SEPTIN14: variants seen among roughly 807,000 people sequenced by gnomAD.
SEPTIN14 encodes the protein septin 14.
Under a neutral mutation model 53.6 loss-of-function variants are expected in SEPTIN14, and 40 were observed. The ratio of observed to expected loss-of-function variants is 0.75; its 90% CI spans 0.58 to 0.97. The LOEUF is 0.97. Among genes scored for constraint, SEPTIN14 ranks in the 50% least tolerant of loss-of-function variants. SEPTIN14 has a pLI of 0.00. For synonymous variants in SEPTIN14, 138 were observed against 166.8 expected, an observed-to-expected ratio of 0.83 and a Z score of 1.33; for missense variants, 471 against 508.2, an observed-to-expected ratio of 0.93 and a Z score of 0.70.
intron 2 of SEPTIN14, among the ~76,000 whole-genome samples, chr7:55,860,719 G>T (rs1309180740): frequency 6.6e-6 from 1 of 152,018 alleles, no homozygotes; most frequent in African/African-American, 2.4e-5. Context: ...GAGGTAATTA[G>T]GTCATATGGC....
intron 5 of SEPTIN14, among the ~76,000 whole-genome samples, chr7:55,835,830 C>T (rs1176287593): frequency 1.3e-5 from 2 of 152,104 alleles, no homozygotes; most frequent in Non-Finnish European, 1.5e-5. Flanking sequence ...GCAACGTCTG[C>T]CTCCCGGGTT....
At position 55,795,774 on chromosome 7, in the gene SEPTIN14, T is replaced by C; in HGVS notation, c.*139A>G. On this transcript the variant is annotated 3_prime_UTR_variant, in exon 10 of 10. Coordinates refer to ENST00000388975, the MANE Select transcript of SEPTIN14 (RefSeq NM_207366.3). ...TGAGCCACCACACCCCGCTAGGAGT[T>C]CACACTTTAGTTGGGGAAAATATAC... is the stretch of plus-strand genomic sequence containing the variant. The C allele has an allele frequency of 1.4e-6, 1 of 696,614 alleles. No homozygotes were observed. Among genetic ancestry groups the C allele is most frequent in the Admixed American group, 2.6e-5 (1 of 38,372 alleles). The allele number at this position is 696,614 out of a possible 1,614,324, so 43.2% of individuals were successfully genotyped here. A position where few individuals can be genotyped will look rare whatever the true frequency, so the allele number is the denominator to read the frequency against.
chr7:55,860,896 T>C (rs1285618969), intron 2 of SEPTIN14, among the ~76,000 whole-genome samples: 1 of 152,190 alleles, frequency 6.6e-6, no homozygotes, highest in Non-Finnish European at 1.5e-5. Context: ...TCCCATCCTC[T>C]AGAACTGTGA....
At chr7:55,836,645 G>C (rs945237911) in intron 5 of SEPTIN14, among the ~76,000 whole-genome samples, 1 of 152,096 alleles carries the variant, frequency 6.6e-6, no homozygotes, top group African/African-American at 2.4e-5. Flanking sequence ...GGCTGAGGCA[G>C]GAGAATCGCT....
At chr7:55,830,345 A>ACATTTTTT (rs1554330066) in intron 6 of SEPTIN14, among the ~76,000 whole-genome samples, 1 of 40,104 alleles carries the variant, frequency 2.5e-5, no homozygotes, top group African/African-American at 1.9e-4. Flanking sequence ...ATATATATAT[A>ACATTTTTT]TATATTTTTT....
At chr7:55,836,719 CA>C (rs1418377103) in intron 5 of SEPTIN14, among the ~76,000 whole-genome samples, 30 of 152,106 alleles carry the variant, frequency 2.0e-4, no homozygotes, top group African/African-American at 7.2e-4. Flanking sequence ...GCCTGGGCAA[CA>C]AGAGCGAAAC....
intron 5 of SEPTIN14, among the ~76,000 whole-genome samples, chr7:55,835,820 G>A (rs1032152091): frequency 6.6e-6 from 1 of 152,088 alleles, no homozygotes; most frequent in Non-Finnish European, 1.5e-5. Context: ...TAGGCTCAGG[G>A]CAACGTCTGC....
At chr7:55,825,760 A>G (rs1788972530) in intron 6 of SEPTIN14, among the ~76,000 whole-genome samples, 1 of 151,826 alleles carries the variant, frequency 6.6e-6, no homozygotes, top group African/African-American at 2.4e-5. Flanking sequence ...TGAGGTCAGG[A>G]GTTTGAGACC....
At chr7:55,862,073 A>T (rs547841007) in intron 1 of SEPTIN14, 62 bp from the exon 2 acceptor site, 2 of 949,914 alleles carry the variant, frequency 2.1e-6, no homozygotes, top group South Asian at 1.6e-5. Context: ...TTCTTACTAT[A>T]TAATTTAGAT....
chr7:55,818,733 G>A (rs1022362585), intron 7 of SEPTIN14, among the ~76,000 whole-genome samples: 10 of 152,166 alleles, frequency 6.6e-5, no homozygotes, highest in East Asian at 3.9e-4. Context: ...TCTACATTAG[G>A]TAGTAATGAG....
chr7:55,826,627 G>A (rs1788991898), intron 6 of SEPTIN14, among the ~76,000 whole-genome samples: 2 of 151,996 alleles, frequency 1.3e-5, no homozygotes, highest in African/African-American at 2.4e-5. Flanking sequence ...GCAAAACCCT[G>A]TCTCTACTAA....
intron 3 of SEPTIN14, among the ~76,000 whole-genome samples, chr7:55,846,065 G>GTATATATATACATATATATATATA (rs1789399124): frequency 2.5e-5 from 1 of 39,758 alleles, no homozygotes; most frequent in Non-Finnish European, 5.3e-5. Context: ...AAAAAAAAAA[G>GTATATATATACATATATATATATA]TATATATATA....
chr7:55,830,349 A>T (rs202222469), intron 6 of SEPTIN14, among the ~76,000 whole-genome samples: 37,218 of 56,066 alleles, frequency 0.66, 12,523 homozygotes, highest in Non-Finnish European at 0.75. Flanking sequence ...ATATATATAT[A>T]TTTTTTTTTT....
At chr7:55,849,603 G>T (rs751331958) in intron 2 of SEPTIN14, among the ~76,000 whole-genome samples, 1 of 150,936 alleles carries the variant, frequency 6.6e-6, no homozygotes, top group Non-Finnish European at 1.5e-5. Flanking sequence ...AAAATTAGCC[G>T]GGCATGGTGG....
chr7:55,849,993 A>G (rs1197231077), intron 2 of SEPTIN14, among the ~76,000 whole-genome samples: 1 of 152,220 alleles, frequency 6.6e-6, no homozygotes, highest in Non-Finnish European at 1.5e-5. Context: ...CTAAATAGTC[A>G]TATATCTATT....
intron 6 of SEPTIN14, among the ~76,000 whole-genome samples, chr7:55,830,106 A>C (rs1438430934): frequency 6.8e-6 from 1 of 147,460 alleles, no homozygotes; most frequent in Admixed American, 6.8e-5. Context: ...TGAACCCGGG[A>C]GGCGGAGCTT....
At chr7:55,801,027 C>T (rs1788514454) in intron 9 of SEPTIN14, among the ~76,000 whole-genome samples, 1 of 151,802 alleles carries the variant, frequency 6.6e-6, no homozygotes, top group Non-Finnish European at 1.5e-5. Flanking sequence ...AGATAAAAAA[C>T]AACATATCAA....
At chr7:55,862,053 A>G (rs1212548424) in intron 1 of SEPTIN14, 42 bp from the exon 2 acceptor site, 3 of 1,222,046 alleles carry the variant, frequency 2.5e-6, no homozygotes, top group African/African-American at 1.5e-5. Context: ...AATTTCTTAC[A>G]AAGGCTATAT....
chr7:55,826,352 A>G (rs562651220), intron 6 of SEPTIN14, among the ~76,000 whole-genome samples: 12 of 152,336 alleles, frequency 7.9e-5, no homozygotes, highest in African/African-American at 2.6e-4. Context: ...CAAGAGAAAA[A>G]CATCTTGTCC....
Sources: allele counts gnomAD v4.1 joint callset (sites outside exome capture counted in the v4.1 genomes callset), GRCh38; gene constraint gnomAD v4.1.1; transcripts MANE v1.5; gene names NCBI Gene and HGNC (gene_info 2026-07-23, HGNC 2026-07-21).